The following CFAP20DC variants were observed in gnomAD, a reference collection of about 807,000 sequenced individuals.
CFAP20DC encodes the protein CFAP20 domain containing.
In CFAP20DC, 84 loss-of-function variants were observed where a neutral mutation model predicts 101.7. That is an observed-to-expected ratio of 0.83 (90% confidence interval 0.69 to 0.99). The LOEUF (loss-of-function observed/expected upper bound fraction) is 0.99. CFAP20DC is among the 50% of genes least tolerant of loss of function. The probability of loss-of-function intolerance (pLI) is 0.00; values close to 1 mark genes in which losing one functional copy is unlikely to be tolerated. For synonymous variants in CFAP20DC, 359 were observed against 351.2 expected (o/e 1.02, Z -0.25); for missense variants, 1,007 against 970.3 (o/e 1.04, Z -0.50).
At chr3:59,012,430 A>C (rs2108878595) in intron 4 of CFAP20DC, among the ~76,000 whole-genome samples, 1 of 151,966 alleles carries the variant, frequency 6.6e-6, no homozygotes, top group Middle Eastern at 3.4e-3. Context: ...GCCAGAATGA[A>C]AAGACCTTCA....
At chr3:59,043,310 A>G (rs80119619) in intron 3 of CFAP20DC, among the ~76,000 whole-genome samples, 177 of 152,228 alleles carry the variant, frequency 1.2e-3, no homozygotes, top group African/African-American at 4.0e-3. Context: ...GTGAAATGGG[A>G]AGAAAACTAG....
intron 3 of CFAP20DC, 140 bp downstream of exon 3, chr3:59,046,089 C>T: frequency 1.7e-6 from 1 of 605,600 alleles, no homozygotes; most frequent in Admixed American, 3.3e-5. Context: ...AGTTAGTTGC[C>T]CTCTAAATTA....
At chr3:58,876,300 C>A (rs1440203015) in intron 7 of CFAP20DC, among the ~76,000 whole-genome samples, 3 of 151,934 alleles carry the variant, frequency 2.0e-5, no homozygotes, top group African/African-American at 7.3e-5. Flanking sequence ...ATAATCGGGT[C>A]CTAATTAACA....
rs368875830 is a variant in CFAP20DC at position 58,929,591 on chromosome 3, T to G, written c.393+8057A>C. ...TTCAAGCATTTATGGATATTTAATATTAAATGAATTTTTAAAACTTCTACT... is the reference window on the plus strand; with the variant it reads ...TTCAAGCATTTATGGATATTTAATAGTAAATGAATTTTTAAAACTTCTACT... On this transcript the variant is annotated intron_variant, in intron 5 of 16. Coordinates refer to ENST00000482387, the MANE Select transcript of CFAP20DC (RefSeq NM_001394063.1). Among the ~76,000 whole-genome samples the G allele has an allele frequency of 1.1e-4, 17 of 152,358 alleles. No individual in the cohort carries two copies. In the South Asian group the frequency reaches 1.9e-3, roughly 17 times the overall value.
At chr3:59,000,141 TC>T (rs2108741337) in intron 4 of CFAP20DC, among the ~76,000 whole-genome samples, 1 of 152,346 alleles carries the variant, frequency 6.6e-6, no homozygotes, top group East Asian at 1.9e-4. Context: ...ACTTTTGTCT[TC>T]CTTTATCTCT....
At position 58,807,198 on chromosome 3, in the gene CFAP20DC, C is replaced by T. The variant is rs193059338; in HGVS notation, c.2176-742G>A. The stretch of plus-strand genomic sequence containing the variant: ...AGACGTAAGTGTCCCTGTCTGACAG[C>T]TTTGAAGAGAGCAGTGGTTCTCCCA... On this transcript the variant is annotated intron_variant, in intron 14 of 16. Transcript: ENST00000482387. Among the ~76,000 whole-genome samples, 24 of 152,296 alleles carry T rather than the reference C, an allele frequency of 1.6e-4. No individual in the cohort carries two copies. In the East Asian group the frequency reaches 4.6e-3, roughly 29 times the overall value.
rs1575515906 is a variant in CFAP20DC, at chr3:58,728,344, G to C, written c.198-10716C>G. Among the ~76,000 whole-genome samples, 1 of 152,358 alleles carries C rather than the reference G, an allele frequency of 6.6e-6. No individual in the cohort carries two copies. The highest frequency in any genetic ancestry group is 1.9e-4 in the East Asian group (1 of 5,190). On this transcript the variant is annotated intron_variant, in intron 3 of 3. Transcript: ENST00000486145. This position sits in a 1 kb window ranked among gnomAD's most constrained non-coding sequence, Gnocchi z 4.7. Reference sequence around the variant, plus strand: ...AGAAGATTCACGTCCTCATATTAGAGAAATAGCTGGCTAAATGAATAGATT... The same window carrying C: ...AGAAGATTCACGTCCTCATATTAGACAAATAGCTGGCTAAATGAATAGATT...
At chr3:59,011,805 C>T (rs1412541763) in intron 4 of CFAP20DC, among the ~76,000 whole-genome samples, 1 of 152,036 alleles carries the variant, frequency 6.6e-6, no homozygotes, top group African/African-American at 2.4e-5. Context: ...GCAGATATGA[C>T]CCAAATGGAC....
chr3:58,920,274 G>A (rs2085214310), intron 5 of CFAP20DC, among the ~76,000 whole-genome samples: 1 of 151,592 alleles, frequency 6.6e-6, no homozygotes, highest in Non-Finnish European at 1.5e-5. Flanking sequence ...AAAATTATTT[G>A]TAGAGATGGG....
chr3:58,885,619 C>T (rs1396430699), intron 6 of CFAP20DC, among the ~76,000 whole-genome samples: 1 of 150,506 alleles, frequency 6.6e-6, no homozygotes, highest in African/African-American at 2.5e-5. Context: ...TCCCTTCCCC[C>T]TACCATTTCC....
At chr3:58,852,886 A>G (rs2078384832) in intron 12 of CFAP20DC, among the ~76,000 whole-genome samples, 1 of 151,662 alleles carries the variant, frequency 6.6e-6, no homozygotes, top group Admixed American at 6.6e-5. Flanking sequence ...AAAGCAGGAA[A>G]GATCCAAAAT....
At chr3:58,888,690 G>T (rs9828440) in intron 6 of CFAP20DC, among the ~76,000 whole-genome samples, 2,158 of 152,300 alleles carry the variant, frequency 0.014, 49 homozygotes, top group African/African-American at 0.049. Context: ...GTTTGCTGAG[G>T]ATAATGGCTT....
intron 6 of CFAP20DC, among the ~76,000 whole-genome samples, chr3:58,888,547 C>T (rs1219364241): frequency 6.6e-6 from 1 of 152,168 alleles, no homozygotes; most frequent in Non-Finnish European, 1.5e-5. Context: ...AGGTATACTT[C>T]CTGATGCTCT....
chr3:58,755,135 A>C (rs1252138623), intron 15 of CFAP20DC, among the ~76,000 whole-genome samples: 2 of 152,208 alleles, frequency 1.3e-5, no homozygotes, highest in Non-Finnish European at 2.9e-5. Flanking sequence ...CATAAAAAGC[A>C]TATTAATGTC....
intron 15 of CFAP20DC, among the ~76,000 whole-genome samples, chr3:58,770,259 C>G (rs1329754441): frequency 6.6e-6 from 1 of 152,184 alleles, no homozygotes; most frequent in Non-Finnish European, 1.5e-5. Context: ...CTGACCCTTT[C>G]CTTTCCTTCT....
At chr3:58,793,406 G>A (rs1396279191) in intron 15 of CFAP20DC, among the ~76,000 whole-genome samples, 1 of 152,008 alleles carries the variant, frequency 6.6e-6, no homozygotes. Flanking sequence ...GGTTGTTTTT[G>A]TTTGCTTCCA....
intron 14 of CFAP20DC, among the ~76,000 whole-genome samples, chr3:58,831,167 G>A (rs976990038): frequency 6.6e-5 from 10 of 152,204 alleles, no homozygotes; most frequent in African/African-American, 2.4e-4. Flanking sequence ...GGAAACACAT[G>A]GGAATATAAG....
intron 5 of CFAP20DC, among the ~76,000 whole-genome samples, chr3:58,935,005 A>G (rs1330635363): frequency 6.6e-6 from 1 of 152,312 alleles, no homozygotes; most frequent in Non-Finnish European, 1.5e-5. Flanking sequence ...AGATGACATG[A>G]TTGTATATCT....
chr3:58,848,817 A>T (rs1489048927), intron 13 of CFAP20DC, among the ~76,000 whole-genome samples: 1 of 152,216 alleles, frequency 6.6e-6, no homozygotes, highest in African/African-American at 2.4e-5. Context: ...TATCTTTCTC[A>T]TTAAAAACAT....
Sources: gnomAD v4.1 joint callset for allele counts (sites outside exome capture counted in the v4.1 genomes callset) on GRCh38, gnomAD v4.1.1 for gene constraint, Gnocchi (gnomAD v3.1) non-coding constraint, MANE v1.5 for transcripts, NCBI Gene and HGNC (gene_info 2026-07-23, HGNC 2026-07-21) for gene names.